Variants in TMEM169 observed in about 807,000 individuals in gnomAD.
TMEM169 encodes the protein transmembrane protein 169.
TMEM169 carries 18 observed loss-of-function variants against 27.3 expected under a neutral mutation model. That is an observed-to-expected ratio of 0.66 (90% CI 0.46 to 0.98). TMEM169 has a LOEUF of 0.98. TMEM169 is among the 50% of genes least tolerant of loss of function. The pLI is 0.00. For missense variants in TMEM169, 320 were observed against 368.6 expected (o/e 0.87, Z 1.08); for synonymous variants, 136 against 142.1 (o/e 0.96, Z 0.30).
At chr2:216,090,411 G>A (rs964205895) in intron 1 of TMEM169, among the ~76,000 whole-genome samples, 3 of 152,216 alleles carry the variant, frequency 2.0e-5, no homozygotes, top group African/African-American at 4.8e-5. Context: ...AGAGGCCCAT[G>A]TGGAGAGAAA....
In TMEM169 at chr2:216,098,258, T is replaced by C. The variant is rs1049602877; in HGVS notation, c.272-1662T>C. On this transcript the variant is annotated intron_variant, in intron 2 of 2. Transcript: ENST00000437356. ...AATTATAAGGGTTAAGACTGGATGC[T>C]GATGGGAGACTATTGTGTCCCTGCA... 2.6e-5 allele frequency among the ~76,000 whole-genome samples: 4 copies of C among 152,336 alleles called. No individual in the cohort carries two copies. In the South Asian group the frequency reaches 8.3e-4, roughly 32 times the overall value.
In TMEM169 at chr2:216,089,460, TACTGATTTTATTTTTGAGACAGAGTCTC is replaced by T. The variant is rs770277767; in HGVS notation, c.-126-6374_-126-6347del. On this transcript the variant is annotated intron_variant, in intron 1 of 2. Transcript: ENST00000437356. ...TTTTAATTTTCATTTTATTTTATTT[TACTGATTTTATTTTTGAGACAGAGTCTC>T]ACTCTCTCGCCCAGACTGGATGCAG... 2.4e-4 allele frequency among the ~76,000 whole-genome samples: 37 copies of T among 152,334 alleles called. No individual in the cohort carries two copies. In the East Asian group the frequency reaches 6.0e-3, roughly 25 times the overall value.
intron 1 of TMEM169, among the ~76,000 whole-genome samples, chr2:216,087,091 C>T (rs570212521): frequency 6.6e-6 from 1 of 152,158 alleles, no homozygotes; most frequent in South Asian, 2.1e-4. Flanking sequence ...TGTCTTGAGC[C>T]AGGCTTGAAA....
intron 2 of TMEM169, among the ~76,000 whole-genome samples, chr2:216,097,315 C>T (rs1365173702): frequency 6.6e-6 from 1 of 152,144 alleles, no homozygotes; most frequent in Non-Finnish European, 1.5e-5. Flanking sequence ...GCAGGCAGAT[C>T]ACGTGGGGTC....
intron 2 of TMEM169, among the ~76,000 whole-genome samples, chr2:216,098,440 A>G (rs1300595068): frequency 6.6e-6 from 1 of 152,088 alleles, no homozygotes; most frequent in Non-Finnish European, 1.5e-5. Flanking sequence ...ATTGACTGGA[A>G]TGACAGGGAG....
In TMEM169 at chr2:216,100,788, T is replaced by A. The variant is rs992152954; in HGVS notation, c.*246T>A. 1.8e-5 allele frequency: 10 copies of A among 547,310 alleles called. No homozygotes were observed. Among genetic ancestry groups the A allele is most frequent in the African/African-American group, 1.7e-4 (9 of 52,562 alleles). The allele number at this position is 547,310 out of a possible 1,614,324, so 33.9% of individuals were successfully genotyped here. On this transcript the variant is annotated 3_prime_UTR_variant, in exon 3 of 3. Coordinates refer to ENST00000437356, the MANE Select transcript of TMEM169 (RefSeq NM_001142311.2). ...TCCCTGCCCTAAAATCACCATTTAT[T>A]TAGGACAATGGAACTCTGCTGTGTG...
intron 1 of TMEM169, among the ~76,000 whole-genome samples, chr2:216,084,713 A>G (rs571846051): frequency 1.3e-5 from 2 of 152,286 alleles, no homozygotes; most frequent in East Asian, 3.9e-4. Flanking sequence ...TTGAACAAGG[A>G]CTCAAAAAAA....
rs552832587 is a variant in TMEM169, at chr2:216,086,001, A to G, written c.-127+4022A>G. Reference sequence around the variant, plus strand: ...CTTAAAAACCTGTTTTCCCTCCTACAATGACCAAGAGTACAGAGCTAATGG... The same window carrying G: ...CTTAAAAACCTGTTTTCCCTCCTACGATGACCAAGAGTACAGAGCTAATGG... On this transcript the variant is annotated intron_variant, in intron 1 of 2. Transcript: ENST00000437356. Among the ~76,000 whole-genome samples the G allele has an allele frequency of 9.8e-5, 15 of 152,306 alleles. No homozygotes were observed. In the Middle Eastern group the frequency reaches 0.01, roughly 104 times the overall value.
In TMEM169 at chr2:216,102,488, T is replaced by G. The variant is rs1384201962; in HGVS notation, c.*1946T>G. Reference sequence around the variant, plus strand: ...AGAATAGCTGGTGCTCTTTTCTTGTTCATGTCTCAAAACAAAGCTGTTGAG... The same window carrying G: ...AGAATAGCTGGTGCTCTTTTCTTGTGCATGTCTCAAAACAAAGCTGTTGAG... On this transcript the variant is annotated 3_prime_UTR_variant, in exon 3 of 3. Coordinates refer to ENST00000437356, the MANE Select transcript of TMEM169 (RefSeq NM_001142311.2). 2.0e-5 allele frequency: 3 copies of G among 152,632 alleles called. No individual in the cohort carries two copies. The highest frequency in any genetic ancestry group is 7.2e-5 in the African/African-American group (3 of 41,446). 9.5% of individuals were successfully genotyped at this position (152,632 alleles called of 1,614,324 possible).
Position 216,096,100 on chromosome 2 carries a change from A to G in TMEM169, c.137A>G (p.Glu46Gly), listed in dbSNP as rs1279629345. 1.2e-6 allele frequency: 2 copies of G among 1,614,232 alleles called. No individual in the cohort carries two copies. Among genetic ancestry groups the G allele is most frequent in the East Asian group, 2.2e-5 (1 of 44,880 alleles). The change falls in exon 2 of 3, where the codon GAG (glutamate) becomes GGG (glycine). Residue 46 changes from glutamate (E) to glycine (G), a missense_variant. Coordinates refer to ENST00000437356, the MANE Select transcript of TMEM169 (RefSeq NM_001142311.2). Reference protein sequence around the residue: ...TMGHRKKKRKESRPESIIIYR... With the variant: ...TMGHRKKKRKGSRPESIIIYR... Reference sequence around the variant, plus strand: ...GGGCACAGGAAAAAGAAGAGGAAAGAGTCACGCCCAGAATCCATCATCATC... The same window carrying G: ...GGGCACAGGAAAAAGAAGAGGAAAGGGTCACGCCCAGAATCCATCATCATC...
chr2:216,099,862 A>G lies in TMEM169; in HGVS notation c.272-58A>G. 6.4e-7 allele frequency: 1 copy of G among 1,559,492 alleles called. No homozygotes were observed. Among genetic ancestry groups the G allele is most frequent in the Non-Finnish European group, 8.6e-7 (1 of 1,156,804 alleles). On this transcript the variant is annotated intron_variant, in intron 2 of 2. Coordinates refer to ENST00000437356, the MANE Select transcript of TMEM169 (RefSeq NM_001142311.2). The surrounding 1 kb of genome is among the most constrained non-coding windows in gnomAD (Gnocchi z 5.0). ...CATGCCCAGCCTGGGAGGGTGCAAC[A>G]TGGAGATGCAATGCCCACTCTTCTG...
intron 2 of TMEM169, among the ~76,000 whole-genome samples, chr2:216,097,607 G>C (rs1462874174): frequency 6.6e-6 from 1 of 152,050 alleles, no homozygotes; most frequent in Non-Finnish European, 1.5e-5. Context: ...TTATTGTGCA[G>C]CCGTAGAGAG....
intron 1 of TMEM169, among the ~76,000 whole-genome samples, chr2:216,091,714 C>G (rs1696133683): frequency 6.6e-6 from 1 of 152,066 alleles, no homozygotes; most frequent in Admixed American, 6.5e-5. Flanking sequence ...CAGAACTGTA[C>G]AAAATAAATT....
At chr2:216,098,560 C>T (rs1696311430) in intron 2 of TMEM169, among the ~76,000 whole-genome samples, 1 of 152,152 alleles carries the variant, frequency 6.6e-6, no homozygotes, top group Admixed American at 6.6e-5. Context: ...TATCCAGGGC[C>T]CTGCTCTTTA....
intron 1 of TMEM169, among the ~76,000 whole-genome samples, chr2:216,088,245 G>C (rs1393835191): frequency 6.6e-6 from 1 of 151,864 alleles, no homozygotes; most frequent in African/African-American, 2.4e-5. Flanking sequence ...AGATCACAAG[G>C]TCAGGAGATC....
Position 216,102,000 on chromosome 2 carries a change from G to T in TMEM169, c.*1458G>T, listed in dbSNP as rs916868014. On this transcript the variant is annotated 3_prime_UTR_variant, in exon 3 of 3. Coordinates refer to ENST00000437356, the MANE Select transcript of TMEM169 (RefSeq NM_001142311.2). ...AGCACCTCACGTACTTTGCAATTAAGCTTCTGTAATGTCATGTGATTTGTT... is the reference window on the plus strand; with the variant it reads ...AGCACCTCACGTACTTTGCAATTAATCTTCTGTAATGTCATGTGATTTGTT... 1 of 152,046 alleles carries T rather than the reference G, an allele frequency of 6.6e-6. No individual in the cohort carries two copies. The highest frequency in any genetic ancestry group is 1.9e-4 in the East Asian group (1 of 5,196). The allele number at this position is 152,046 out of a possible 1,614,324, so 9.4% of individuals were successfully genotyped here.
At chr2:216,087,361 T>C (rs1696027658) in intron 1 of TMEM169, among the ~76,000 whole-genome samples, 1 of 152,232 alleles carries the variant, frequency 6.6e-6, no homozygotes, top group South Asian at 2.1e-4. Context: ...CATTTTAGAA[T>C]GTCTTCCAGT....
Position 216,096,173 on chromosome 2 carries a change from AG to A in TMEM169, c.212del (p.Gly71ValfsTer14), listed in dbSNP as rs1352130819. ...KTDEEPGESE[G>X]GDQPKEEEGD... is the part of the protein sequence containing the mutation. ...CAGATGAGGAGCCCGGAGAATCAGA[AG>A]GTGGAGATCAGCCTAAAGAGGAGGA... On this transcript the variant is annotated frameshift_variant, in exon 2 of 3. Coordinates refer to ENST00000437356, the MANE Select transcript of TMEM169 (RefSeq NM_001142311.2). LOFTEE classifies it high-confidence loss of function. 1 of 1,614,182 alleles carries A rather than the reference AG, an allele frequency of 6.2e-7. No homozygotes were observed. Among genetic ancestry groups the A allele is most frequent in the South Asian group, 1.1e-5 (1 of 91,084 alleles).
intron 1 of TMEM169, among the ~76,000 whole-genome samples, chr2:216,083,870 G>A (rs983257838): frequency 1.3e-5 from 2 of 152,148 alleles, no homozygotes; most frequent in East Asian, 1.9e-4. Context: ...CCACTAATCC[G>A]CTAAGTTCCA....
Sources: allele counts gnomAD v4.1 joint callset (sites outside exome capture counted in the v4.1 genomes callset), GRCh38; gene constraint gnomAD v4.1.1; non-coding constraint Gnocchi (gnomAD v3.1); transcripts MANE v1.5; gene names NCBI Gene and HGNC (gene_info 2026-07-23, HGNC 2026-07-21).